Variants in MACROD2 observed in about 807,000 individuals in gnomAD.
The protein encoded by MACROD2 is ADP-ribose glycohydrolase MACROD2.
In MACROD2, 36 loss-of-function variants were observed where a neutral mutation model predicts 70.4. That is an observed-to-expected ratio of 0.51 (90% CI 0.39 to 0.68). MACROD2 has a LOEUF of 0.68. MACROD2 is among the 30% of genes least tolerant of loss of function. The pLI is 0.00. For missense variants in MACROD2, 496 were observed against 538.4 expected (o/e 0.92, Z 0.78); for synonymous variants, 172 against 178.8 (o/e 0.96, Z 0.30).
Position 15,953,944 on chromosome 20 carries a change from T to C in MACROD2, c.908-13609T>C, listed in dbSNP as rs572684195. On this transcript the variant is annotated intron_variant, in intron 12 of 17. Coordinates refer to ENST00000684519, the MANE Select transcript of MACROD2 (RefSeq NM_001351661.2). ...GATTCATGAATTTGCTCACTGTTTT[T>C]TCTTGTGGCAGAAAACTAATTATAT... 2.5e-4 allele frequency among the ~76,000 whole-genome samples: 38 copies of C among 152,282 alleles called. No individual in the cohort carries two copies. The East Asian group carries it at 6.9e-3, about 28-fold the overall frequency.
chr20:15,042,486 C>G (rs1044887302), intron 5 of MACROD2, among the ~76,000 whole-genome samples: 2 of 152,122 alleles, frequency 1.3e-5, no homozygotes, highest in African/African-American at 4.8e-5. Context: ...GCCTGACTCT[C>G]GCCCCTTATA....
At chr20:15,140,845 TAATCATA>T (rs775364991) in intron 5 of MACROD2, among the ~76,000 whole-genome samples, 3 of 152,146 alleles carry the variant, frequency 2.0e-5, no homozygotes, top group Non-Finnish European at 4.4e-5. Context: ...CTGCCCTCAT[TAATCATA>T]AGTCAGTTGT....
chr20:15,235,523 C>T (rs562035623), intron 6 of MACROD2, among the ~76,000 whole-genome samples: 1 of 152,272 alleles, frequency 6.6e-6, no homozygotes, highest in East Asian at 1.9e-4. Flanking sequence ...TTCAGTACTA[C>T]CTCTAGGCAT....
At chr20:14,750,869 T>G (rs1486120357) in intron 5 of MACROD2, among the ~76,000 whole-genome samples, 1 of 152,110 alleles carries the variant, frequency 6.6e-6, no homozygotes, top group Non-Finnish European at 1.5e-5. Flanking sequence ...AAATAACTAA[T>G]CTGGTTGGTG....
At chr20:14,749,155 G>C (rs760014933) in intron 5 of MACROD2, among the ~76,000 whole-genome samples, 3 of 151,938 alleles carry the variant, frequency 2.0e-5, no homozygotes, top group Non-Finnish European at 2.9e-5. Flanking sequence ...CATTTTACCT[G>C]GAAGGAAATT....
intron 6 of MACROD2, among the ~76,000 whole-genome samples, chr20:15,294,723 A>T (rs2077570964): frequency 6.6e-6 from 1 of 152,230 alleles, no homozygotes; most frequent in African/African-American, 2.4e-5. Flanking sequence ...ATGTGCCCAG[A>T]TGTAACCTTT....
intron 13 of MACROD2, among the ~76,000 whole-genome samples, chr20:15,976,870 G>T (rs761831206): frequency 1.3e-5 from 2 of 152,182 alleles, no homozygotes; most frequent in Non-Finnish European, 2.9e-5. Context: ...ATTTGAAATA[G>T]CACTTTATCC....
At chr20:15,584,317 G>C (rs529283991) in intron 8 of MACROD2, among the ~76,000 whole-genome samples, 1 of 152,028 alleles carries the variant, frequency 6.6e-6, no homozygotes, top group Non-Finnish European at 1.5e-5. Context: ...GATTTTTGGC[G>C]TCATAGAAAG....
chr20:14,236,887 A>C (rs1022514975), intron 3 of MACROD2, among the ~76,000 whole-genome samples: 3 of 152,134 alleles, frequency 2.0e-5, no homozygotes, highest in African/African-American at 7.2e-5. Flanking sequence ...GTTTATTATA[A>C]ATTTCTATGA....
At chr20:14,230,703 G>T (rs868317476) in intron 3 of MACROD2, among the ~76,000 whole-genome samples, 1 of 100,520 alleles carries the variant, frequency 9.9e-6, no homozygotes, top group Non-Finnish European at 1.9e-5. Context: ...ATATATATGG[G>T]CCCAGCCTAT....
intron 5 of MACROD2, among the ~76,000 whole-genome samples, chr20:15,057,262 C>T (rs907679766): frequency 5.9e-5 from 9 of 152,284 alleles, no homozygotes; most frequent in Admixed American, 2.6e-4. Flanking sequence ...TTAATTCCCT[C>T]CATTTTATTC....
At chr20:15,937,630 A>G in intron 12 of MACROD2, 86 bp downstream of exon 12, 1 of 1,240,422 alleles carries the variant, frequency 8.1e-7, no homozygotes, top group Non-Finnish European at 1.2e-6. Context: ...TGAAGCAGCA[A>G]GTCAAATATA....
chr20:15,827,662 C>T (rs1377586016), intron 8 of MACROD2, among the ~76,000 whole-genome samples: 4 of 152,142 alleles, frequency 2.6e-5, no homozygotes, highest in Non-Finnish European at 4.4e-5. Flanking sequence ...TGGGAGAGGT[C>T]TCCAGAATTA....
At chr20:14,215,018 A>AT (rs2081603599) in intron 3 of MACROD2, among the ~76,000 whole-genome samples, 1 of 150,606 alleles carries the variant, frequency 6.6e-6, no homozygotes, top group Non-Finnish European at 1.5e-5. Context: ...ATTCCATCAT[A>AT]TATATGTGTG....
chr20:14,332,472 AGATT>A (rs1358774605), intron 3 of MACROD2, among the ~76,000 whole-genome samples: 5 of 152,174 alleles, frequency 3.3e-5, no homozygotes, highest in African/African-American at 9.6e-5. Flanking sequence ...AATATTACTT[AGATT>A]AAGATGAAGC....
chr20:14,956,517 T>C (rs2074538373), intron 5 of MACROD2, among the ~76,000 whole-genome samples: 1 of 152,164 alleles, frequency 6.6e-6, no homozygotes, highest in Admixed American at 6.6e-5. Flanking sequence ...TTAGAAGCAG[T>C]CCTATTACCA....
At chr20:15,365,639 C>T (rs35053079) in intron 6 of MACROD2, among the ~76,000 whole-genome samples, 11,069 of 149,608 alleles carry the variant, frequency 0.074, 453 homozygotes, top group East Asian at 0.17. Context: ...CCAGCCTGGG[C>T]GACAGAGCGA....
chr20:14,847,479 T>TC (rs2073155069), intron 5 of MACROD2, among the ~76,000 whole-genome samples: 1 of 126,376 alleles, frequency 7.9e-6, no homozygotes, highest in Non-Finnish European at 1.6e-5. Context: ...TGAGGAAGTG[T>TC]TGCCTGTTTT....
chr20:15,821,675 G>A (rs2063939859), intron 8 of MACROD2, among the ~76,000 whole-genome samples: 1 of 152,040 alleles, frequency 6.6e-6, no homozygotes, highest in African/African-American at 2.4e-5. Context: ...CATCTTTCTT[G>A]TCATTATTCT....
Sources: gnomAD v4.1 joint callset for allele counts (sites outside exome capture counted in the v4.1 genomes callset) on GRCh38, gnomAD v4.1.1 for gene constraint, MANE v1.5 for transcripts, NCBI Gene and HGNC (gene_info 2026-07-23, HGNC 2026-07-21) for gene names.